Variants in METTL3 observed in about 807,000 individuals in gnomAD.
METTL3 encodes N(6)-adenosine-methyltransferase catalytic subunit METTL3.
A neutral mutation model predicts 64.3 loss-of-function variants in METTL3; 42 were observed. That is an observed-to-expected ratio of 0.65 (90% confidence interval 0.51 to 0.84). The LOEUF (loss-of-function observed/expected upper bound fraction) is 0.84. Among genes scored for constraint, METTL3 ranks in the 40% least tolerant of loss-of-function variants. The probability of loss-of-function intolerance (pLI) is 0.00; values close to 1 mark genes in which losing one functional copy is unlikely to be tolerated. For synonymous variants in METTL3, 256 were observed against 263.6 expected, an observed-to-expected ratio of 0.97 and a Z score of 0.28; for missense variants, 435 against 722.3, an observed-to-expected ratio of 0.60 and a Z score of 4.56.
Position 21,498,198 on chromosome 14 carries a change from T to C in METTL3, c.*60A>G, listed in dbSNP as rs529367261. On this transcript the variant is annotated 3_prime_UTR_variant, in exon 11 of 11. Coordinates refer to ENST00000298717, the MANE Select transcript of METTL3 (RefSeq NM_019852.5). The stretch of plus-strand genomic sequence containing the variant: ...AAGAAAGCTATTGTACAAATATCAC[T>C]CTTCAGGTTTAGCTTACAGAGCCAT... The C allele has an allele frequency of 7.4e-6, 7 of 951,020 alleles. No individual in the cohort carries two copies. Among genetic ancestry groups the C allele is most frequent in the Admixed American group, 7.2e-5 (4 of 55,512 alleles). The allele number at this position is 951,020 out of a possible 1,614,324, so 58.9% of individuals were successfully genotyped here.
chr14:21,502,012 CTTTT>C (rs75402343), intron 3 of METTL3, 109 bp from the exon 4 acceptor site: 1,264 of 456,510 alleles, frequency 2.8e-3, no homozygotes, highest in African/African-American at 9.9e-3. Flanking sequence ...GATAAATCAA[CTTTT>C]TTTTTTTTTT....
chr14:21,507,165 G>C (rs1355284512), intron 1 of METTL3, among the ~76,000 whole-genome samples: 1 of 150,902 alleles, frequency 6.6e-6, no homozygotes, highest in African/African-American at 2.4e-5. Context: ...TGGGCAACAA[G>C]AGCGAAACTC....
chr14:21,503,958 A>C, intron 1 of METTL3, 77 bp from the exon 2 acceptor site: 1 of 1,341,950 alleles, frequency 7.5e-7, no homozygotes, highest in Non-Finnish European at 1.0e-6. Context: ...CAAATTCTCT[A>C]GCATTCCCAT....
At chr14:21,503,033 C>T (rs1891607508) in intron 3 of METTL3, 140 bp downstream of exon 3, 2 of 921,534 alleles carry the variant, frequency 2.2e-6, no homozygotes, top group Admixed American at 4.8e-5. Context: ...ATTACCAGAT[C>T]CCCTGGGAGT....
At chr14:21,504,135 C>G in intron 1 of METTL3, 1 of 460,790 alleles carries the variant, frequency 2.2e-6, no homozygotes, top group Non-Finnish European at 3.9e-6. Flanking sequence ...CCTATCCTTG[C>G]TGTGATACAA....
rs1891488931 is a variant in METTL3, at chr14:21,499,102, A to G, written c.1554T>C (p.Tyr518=). The change falls in exon 10 of 11, where the codon TAT becomes TAC. Residue 518 remains tyrosine, a synonymous_variant. Transcript: ENST00000298717. ...RSTSHKPDEI[Y]GMIERLSPGT... ...CAGGAGATAGTCTTTCAATCATGCC[A>G]TAGATTTCATCTGGTTTATGACTGG... is the stretch of plus-strand genomic sequence containing the variant. 1 of 1,614,194 alleles carries G rather than the reference A, an allele frequency of 6.2e-7. No individual in the cohort carries two copies. The highest frequency in any genetic ancestry group is 2.2e-5 in the East Asian group (1 of 44,888).
At chr14:21,509,592 A>G (rs1594446902) in intron 1 of METTL3, 1 of 150,684 alleles carries the variant, frequency 6.6e-6, no homozygotes, top group South Asian at 2.1e-4. Flanking sequence ...AAAAAGTTAA[A>G]AATTAGCCAG....
In METTL3 at chr14:21,500,552, C is replaced by T. The variant is rs767449920; in HGVS notation, c.1247G>A (p.Arg416Lys). ...ATCCTGTAGTACGGGTATGTTGAGC[C>T]TGCGCATCTCATCATCTGTCAGGGT... ...YGTLTDDEMR[R>K]LNIPVLQDDG... Residue 416 changes from arginine (R) to lysine (K), a missense_variant, in exon 6 of 11, where the codon AGG becomes AAG. Physicochemically the swap from Arg to Lys is conservative, Grantham distance 26. Transcript: ENST00000298717. The T allele has an allele frequency of 6.2e-7, 1 of 1,613,958 alleles. No homozygotes were observed. The highest frequency in any genetic ancestry group is 1.3e-5 in the African/African-American group (1 of 74,876).
Position 21,501,711 on chromosome 14 carries a change from A to AT in METTL3, c.899+16dup. 1 of 1,614,152 alleles carries AT rather than the reference A, an allele frequency of 6.2e-7. No individual in the cohort carries two copies. Among genetic ancestry groups the AT allele is most frequent in the Non-Finnish European group, 8.5e-7 (1 of 1,180,008 alleles). On this transcript the variant is annotated intron_variant, in intron 4 of 10. Coordinates refer to ENST00000298717, the MANE Select transcript of METTL3 (RefSeq NM_019852.5). Reference sequence around the variant, plus strand: ...GCTTCTGACAAACCCATCCCACCTCATTCCCTTCCAAGAGACCTGAAGTGC... The same window carrying AT: ...GCTTCTGACAAACCCATCCCACCTCATTTCCCTTCCAAGAGACCTGAAGTGC...
intron 3 of METTL3, 107 bp from the exon 4 acceptor site, chr14:21,502,010 AACT>A: frequency 1.3e-6 from 1 of 758,620 alleles, no homozygotes; most frequent in Non-Finnish European, 1.9e-6. Context: ...GAGATAAATC[AACT>A]TTTTTTTTTT....
chr14:21,511,218 C>A lies in METTL3; in HGVS notation c.6G>T (p.Ser2=). The change falls in exon 1 of 11, where the codon TCG becomes TCT. Residue 2 remains serine (S), a synonymous_variant. Coordinates refer to ENST00000298717, the MANE Select transcript of METTL3 (RefSeq NM_019852.5). M[S]DTWSSIQAHK... ...GGGCCTGGATAGAGCTCCACGTGTC[C>A]GACATCCTAGTCTCCCAGCCCTGAC... is the stretch of plus-strand genomic sequence containing the variant. The A allele has an allele frequency of 6.2e-7, 1 of 1,613,590 alleles. No individual in the cohort carries two copies. Among genetic ancestry groups the A allele is most frequent in the Non-Finnish European group, 8.5e-7 (1 of 1,179,806 alleles).
Position 21,501,123 on chromosome 14 carries a change from A to C in METTL3, c.906T>G (p.Ile302Met). The change falls in exon 5 of 11, where the codon ATT becomes ATG. Residue 302 changes from isoleucine to methionine, a missense_variant. Coordinates refer to ENST00000298717, the MANE Select transcript of METTL3 (RefSeq NM_019852.5). ...AAGACTCATCAGTGTGTTTATTGATAATTCGTCTGGGAAAATAAAAAGGGA... is the reference window on the plus strand; with the variant it reads ...AAGACTCATCAGTGTGTTTATTGATCATTCGTCTGGGAAAATAAAAAGGGA... The part of the protein sequence containing the change: ...RPCRKLHFRR[I>M]INKHTDESLG... 1.2e-6 allele frequency: 2 copies of C among 1,610,880 alleles called. No individual in the cohort carries two copies. Among genetic ancestry groups the C allele is most frequent in the Admixed American group, 3.3e-5 (2 of 59,880 alleles).
chr14:21,500,251 C>CT (rs1891526715), intron 6 of METTL3, among the ~76,000 whole-genome samples: 1 of 152,046 alleles, frequency 6.6e-6, no homozygotes, highest in Non-Finnish European at 1.5e-5. Context: ...GTAATCCCAG[C>CT]TACTCAGGAG....
rs1423948784 is a variant in METTL3, at chr14:21,499,590, C to T, written c.1354G>A (p.Val452Ile). The T allele has an allele frequency of 6.2e-7, 1 of 1,613,660 alleles. No individual in the cohort carries two copies. Among genetic ancestry groups the T allele is most frequent in the Non-Finnish European group, 8.5e-7 (1 of 1,179,688 alleles). The change falls in exon 8 of 11, where the codon GTA becomes ATA. Residue 452 changes from valine (V) to isoleucine (I), a missense_variant. Around this residue, in one of 9 missense-constraint regions of METTL3, gnomAD observed 36 missense variants for 73.0 expected, o/e 0.49. Transcript: ENST00000298717. ...GTCTTCACCCAAATAATTTCATCTA[C>T]CCGTTCATACCTGTGGGGCATAAAA... is the stretch of plus-strand genomic sequence containing the variant. ...ECLNLWGYER[V>I]DEIIWVKTNQ...
intron 3 of METTL3, 96 bp downstream of exon 3, chr14:21,503,077 A>T: frequency 7.5e-7 from 1 of 1,325,260 alleles, no homozygotes; most frequent in Non-Finnish European, 1.0e-6. Flanking sequence ...GTTGAGAACC[A>T]CTGCTGTAAA....
At chr14:21,502,012 C>CA in intron 3 of METTL3, 109 bp from the exon 4 acceptor site, 2 of 457,332 alleles carry the variant, frequency 4.4e-6, no homozygotes, top group Non-Finnish European at 7.3e-6. Context: ...GATAAATCAA[C>CA]TTTTTTTTTT....
At chr14:21,499,163 T>C in intron 9 of METTL3, 26 bp from the exon 10 acceptor site, 3 of 1,599,878 alleles carry the variant, frequency 1.9e-6, no homozygotes, top group Non-Finnish European at 2.6e-6. Flanking sequence ...TAGCTGCTTT[T>C]TAAGTTACAC....
chr14:21,502,568 A>G (rs544727722), intron 3 of METTL3: 1 of 154,218 alleles, frequency 6.5e-6, no homozygotes, highest in Non-Finnish European at 1.4e-5. Context: ...CTCAGAGTCT[A>G]TTCAATTCTA....
Position 21,498,434 on chromosome 14 carries a change from A to G in METTL3, c.1632-65T>C, listed in dbSNP as rs1475385079. 2.7e-6 allele frequency: 4 copies of G among 1,486,938 alleles called. No individual in the cohort carries two copies. The African/African-American group carries it at 4.2e-5, about 16-fold the overall frequency. The allele number at this position is 1,486,938 out of a possible 1,614,324, so 92.1% of individuals were successfully genotyped here. A position where few individuals can be genotyped will look rare whatever the true frequency, so the allele number is the denominator to read the frequency against. On this transcript the variant is annotated intron_variant, in intron 10 of 10. Transcript: ENST00000298717. ...GAATTAGAGGGTTTAATATTGTTAA[A>G]AAATGCATACCAAATGAAGACTGCC...
Sources: allele counts gnomAD v4.1 joint callset (sites outside exome capture counted in the v4.1 genomes callset), GRCh38; gene constraint gnomAD v4.1.1; regional missense constraint gnomAD v4.1.1; transcripts MANE v1.5; gene names NCBI Gene and HGNC (gene_info 2026-07-23, HGNC 2026-07-21).